The following ACTR3C variants were observed in gnomAD, a reference collection of about 807,000 sequenced individuals.
The protein encoded by ACTR3C is actin-related protein 3C.
Under a neutral mutation model 26.3 loss-of-function variants are expected in ACTR3C, and 18 were observed. The observed-to-expected ratio is 0.68, with a 90% CI of 0.47 to 1.01. The LOEUF is 1.01. Among genes scored for constraint, ACTR3C ranks in the 50% least tolerant of loss-of-function variants. The pLI is 0.00. For missense variants in ACTR3C, 184 were observed against 250.7 expected (o/e 0.73, Z 1.80); for synonymous variants, 55 against 94.5 (o/e 0.58, Z 2.42).
At chr7:149,952,066 G>A in the ACTR3C span, among the ~76,000 whole-genome samples, 1 of 150,598 alleles carries the variant, frequency 6.6e-6, no homozygotes, top group African/African-American at 2.5e-5. Context: ...ACAGGGCAGA[G>A]AGAGCAAGCT....
chr7:149,903,427 A>T, the ACTR3C span, among the ~76,000 whole-genome samples: 1 of 152,030 alleles, frequency 6.6e-6, no homozygotes, highest in African/African-American at 2.4e-5. Context: ...TAACATTCCC[A>T]TATGCTGGCA....
chr7:150,011,569 T>C, the ACTR3C span, among the ~76,000 whole-genome samples: 2 of 152,022 alleles, frequency 1.3e-5, no homozygotes, highest in African/African-American at 4.8e-5. Context: ...TGGGTGACAG[T>C]TTGAGACTCC....
the ACTR3C span, among the ~76,000 whole-genome samples, chr7:149,992,620 C>T: frequency 3.9e-5 from 6 of 152,164 alleles, no homozygotes; most frequent in African/African-American, 9.7e-5. Flanking sequence ...GAGGAGACTG[C>T]GATTCCAGAA....
the ACTR3C span, among the ~76,000 whole-genome samples, chr7:149,885,753 C>T: frequency 3.9e-5 from 6 of 152,388 alleles, no homozygotes; most frequent in Non-Finnish European, 7.3e-5. Context: ...TGAATTCCTG[C>T]GGATTCTGCA....
the ACTR3C span, among the ~76,000 whole-genome samples, chr7:149,951,703 C>A: frequency 4.0e-4 from 61 of 151,956 alleles, no homozygotes; most frequent in African/African-American, 1.4e-3. Context: ...ATAGGCCCAC[C>A]CAGATTATCT....
At chr7:150,079,813 T>G in the ACTR3C span, among the ~76,000 whole-genome samples, 1 of 152,134 alleles carries the variant, frequency 6.6e-6, no homozygotes, top group Non-Finnish European at 1.5e-5. Context: ...CACCCCTTAA[T>G]GCCTCATGTT....
At chr7:149,942,438 G>A in the ACTR3C span, among the ~76,000 whole-genome samples, 2 of 152,106 alleles carry the variant, frequency 1.3e-5, no homozygotes, top group Non-Finnish European at 2.9e-5. Flanking sequence ...GATTGCATCA[G>A]TAATATTTTA....
the ACTR3C span, among the ~76,000 whole-genome samples, chr7:149,933,622 C>T: frequency 6.6e-6 from 1 of 152,162 alleles, no homozygotes; most frequent in Non-Finnish European, 1.5e-5. Context: ...CAAACATGAG[C>T]AACACACAGA....
chr7:150,211,557 A>G, the ACTR3C span, among the ~76,000 whole-genome samples: 3 of 150,592 alleles, frequency 2.0e-5, no homozygotes, highest in African/African-American at 5.0e-5. Flanking sequence ...CTAGGATTAC[A>G]TGTGTGAACC....
chr7:149,975,920 T>A, the ACTR3C span, among the ~76,000 whole-genome samples: 1 of 152,116 alleles, frequency 6.6e-6, no homozygotes, highest in African/African-American at 2.4e-5. Flanking sequence ...CAATTCAAAG[T>A]GAGATCTGGG....
the ACTR3C span, among the ~76,000 whole-genome samples, chr7:150,170,471 T>G: frequency 6.7e-6 from 1 of 150,202 alleles, no homozygotes; most frequent in South Asian, 2.1e-4. Context: ...TACTGCCAAC[T>G]TAGGAAGCTG....
the ACTR3C span, among the ~76,000 whole-genome samples, chr7:149,931,719 A>G: frequency 6.6e-6 from 1 of 152,230 alleles, no homozygotes; most frequent in Non-Finnish European, 1.5e-5. Flanking sequence ...CCTTTAAACT[A>G]TTGAAGAATA....
chr7:150,280,436 G>A (rs1835224824), intron 6 of ACTR3C, among the ~76,000 whole-genome samples: 2 of 152,154 alleles, frequency 1.3e-5, no homozygotes, highest in South Asian at 4.1e-4. Context: ...AAACTGTTTT[G>A]CTTGTTTAAA....
chr7:150,004,000 G>C, the ACTR3C span, among the ~76,000 whole-genome samples: 1 of 151,328 alleles, frequency 6.6e-6, no homozygotes. Flanking sequence ...GTGGTGTGTA[G>C]GTTGTGTGGC....
At chr7:150,248,826 T>C (rs1454071004) in intron 7 of ACTR3C, 122 bp downstream of exon 7, 1 of 434,926 alleles carries the variant, frequency 2.3e-6, no homozygotes, top group East Asian at 3.4e-5. Flanking sequence ...CAAAGAATTT[T>C]AGAATAATTG....
the ACTR3C span, among the ~76,000 whole-genome samples, chr7:150,134,329 T>A: frequency 8.0e-6 from 1 of 125,374 alleles, no homozygotes; most frequent in Non-Finnish European, 1.7e-5. Context: ...GGGGCCAAGG[T>A]GGGAGGTAAA....
At chr7:150,124,305 G>A in the ACTR3C span, among the ~76,000 whole-genome samples, 1 of 152,070 alleles carries the variant, frequency 6.6e-6, no homozygotes, top group Non-Finnish European at 1.5e-5. Flanking sequence ...GTGTTTAAAC[G>A]TACGAGTGCA....
chr7:150,011,648 T>G, the ACTR3C span, among the ~76,000 whole-genome samples: 3 of 152,102 alleles, frequency 2.0e-5, no homozygotes, highest in African/African-American at 7.2e-5. Flanking sequence ...AAAGTTGCAA[T>G]AGAAAGCCAT....
the ACTR3C span, among the ~76,000 whole-genome samples, chr7:150,088,044 T>C: frequency 4.6e-5 from 7 of 152,260 alleles, no homozygotes; most frequent in Admixed American, 2.6e-4. Flanking sequence ...CAGTTTGTTA[T>C]TGAATTATAT....
Sources: allele counts gnomAD v4.1 joint callset (sites outside exome capture counted in the v4.1 genomes callset), GRCh38; gene constraint gnomAD v4.1.1; transcripts MANE v1.5; gene names NCBI Gene and HGNC (gene_info 2026-07-23, HGNC 2026-07-21).